Variants in DPYD observed in about 807,000 individuals in gnomAD.
The protein encoded by DPYD is dihydropyrimidine dehydrogenase [NADP(+)].
A neutral mutation model predicts 116.2 loss-of-function variants in DPYD; 109 were observed. The ratio of observed to expected loss-of-function variants is 0.94; its 90% CI spans 0.80 to 1.10. DPYD has a LOEUF of 1.10. Among genes scored for constraint, DPYD ranks in the 50% least tolerant of loss-of-function variants. DPYD has a pLI of 0.00. For missense variants in DPYD, 1,302 were observed against 1,254.5 expected, an observed-to-expected ratio of 1.04 and a Z score of -0.57; for synonymous variants, 440 against 432.0, an observed-to-expected ratio of 1.02 and a Z score of -0.23.
chr1:97,833,802 C>T (rs1669640133), intron 2 of DPYD, among the ~76,000 whole-genome samples: 1 of 152,042 alleles, frequency 6.6e-6, no homozygotes, highest in East Asian at 1.9e-4. Context: ...GTGCATTTTT[C>T]ATGTTTAACC....
At chr1:97,378,771 T>C (rs1286347536) in intron 15 of DPYD, among the ~76,000 whole-genome samples, 4 of 152,166 alleles carry the variant, frequency 2.6e-5, no homozygotes, top group Non-Finnish European at 5.9e-5. Context: ...CAGTGAACCA[T>C]GCAAGGGTCT....
intron 20 of DPYD, among the ~76,000 whole-genome samples, chr1:97,137,099 A>G (rs951986240): frequency 2.6e-5 from 4 of 152,222 alleles, no homozygotes; most frequent in Non-Finnish European, 4.4e-5. Flanking sequence ...TTTATTGTTC[A>G]TCGGCTGGTG....
chr1:97,315,876 T>C (rs1467215921), intron 16 of DPYD, among the ~76,000 whole-genome samples: 1 of 151,910 alleles, frequency 6.6e-6, no homozygotes, highest in Non-Finnish European at 1.5e-5. Flanking sequence ...CTAATTTTTT[T>C]CCTAGAAAAA....
At chr1:97,210,255 C>T (rs573468028) in intron 19 of DPYD, among the ~76,000 whole-genome samples, 1 of 152,046 alleles carries the variant, frequency 6.6e-6, no homozygotes, top group East Asian at 1.9e-4. Context: ...TTTTTCCCTC[C>T]CCCTTGGAGG....
intron 2 of DPYD, among the ~76,000 whole-genome samples, chr1:97,859,493 A>G (rs1671011004): frequency 6.6e-6 from 1 of 152,170 alleles, no homozygotes; most frequent in Non-Finnish European, 1.5e-5. Context: ...GAGAACGCTA[A>G]GTGAAAATGC....
At chr1:97,343,009 CAAAG>C (rs1167789063) in intron 16 of DPYD, among the ~76,000 whole-genome samples, 1 of 152,020 alleles carries the variant, frequency 6.6e-6, no homozygotes, top group Non-Finnish European at 1.5e-5. Flanking sequence ...AAAAAACACT[CAAAG>C]AAACAAACAA....
At position 97,129,157 on chromosome 1, in the gene DPYD, C is replaced by A. The variant is rs1235978491; in HGVS notation, c.2623-30525G>T. On this transcript the variant is annotated intron_variant, in intron 20 of 22. Transcript: ENST00000370192. ...TTGGATCACTGCAACCTCCACCTCC[C>A]AGTTCAAGAGATTCTCCTGCCTCAG... Among the ~76,000 whole-genome samples the A allele has an allele frequency of 2.0e-5, 3 of 151,828 alleles. No individual in the cohort carries two copies. In the East Asian group the frequency reaches 5.8e-4, roughly 30 times the overall value.
chr1:97,402,134 A>C (rs1228265014), intron 14 of DPYD, among the ~76,000 whole-genome samples: 4 of 152,120 alleles, frequency 2.6e-5, no homozygotes, highest in African/African-American at 9.6e-5. Flanking sequence ...TAAACTTTAG[A>C]ATCAGTTTGT....
At chr1:97,891,989 A>C (rs938884230) in intron 1 of DPYD, among the ~76,000 whole-genome samples, 4 of 151,842 alleles carry the variant, frequency 2.6e-5, no homozygotes, top group Admixed American at 6.6e-5. Context: ...ATGATAAACT[A>C]AGTTTTGTCT....
chr1:97,899,455 T>C (rs529685346), intron 1 of DPYD, among the ~76,000 whole-genome samples: 2 of 152,064 alleles, frequency 1.3e-5, no homozygotes, highest in South Asian at 4.1e-4. Context: ...TTTCTTTTAA[T>C]TTATTCTTTC....
At chr1:97,829,475 T>G (rs572059082) in intron 2 of DPYD, among the ~76,000 whole-genome samples, 2 of 152,254 alleles carry the variant, frequency 1.3e-5, no homozygotes, top group African/African-American at 4.8e-5. Context: ...GTATATACAT[T>G]AAAAGTATCC....
intron 8 of DPYD, among the ~76,000 whole-genome samples, chr1:97,650,517 A>C (rs1162108791): frequency 6.6e-6 from 1 of 152,168 alleles, no homozygotes; most frequent in East Asian, 1.9e-4. Context: ...TTCAAATTTT[A>C]AAAAAGACAT....
chr1:97,628,097 T>C (rs1657040465), intron 8 of DPYD, among the ~76,000 whole-genome samples: 1 of 152,016 alleles, frequency 6.6e-6, no homozygotes, highest in African/African-American at 2.4e-5. Flanking sequence ...GCCTGGATGT[T>C]GGGGGAAAGG....
chr1:97,474,442 G>T lies in DPYD; in HGVS notation c.1741-24219C>A, dbSNP rs1215841443. ...TTCACATTTAAAATTTCTGGGGAATGTCTTTAATAATGTTTAAATATTTAA... is the reference window on the plus strand; with the variant it reads ...TTCACATTTAAAATTTCTGGGGAATTTCTTTAATAATGTTTAAATATTTAA... On this transcript the variant is annotated intron_variant, in intron 13 of 22. Coordinates refer to ENST00000370192, the MANE Select transcript of DPYD (RefSeq NM_000110.4). Among the ~76,000 whole-genome samples, 3 of 152,118 alleles carry T rather than the reference G, an allele frequency of 2.0e-5. No individual in the cohort carries two copies. The East Asian group carries it at 5.8e-4, about 29-fold the overall frequency.
At chr1:97,909,771 G>A (rs1673835960) in intron 1 of DPYD, among the ~76,000 whole-genome samples, 1 of 152,016 alleles carries the variant, frequency 6.6e-6, no homozygotes, top group African/African-American at 2.4e-5. Flanking sequence ...TCAGTCCCAA[G>A]ACTTTAAATA....
intron 13 of DPYD, among the ~76,000 whole-genome samples, chr1:97,493,933 T>C (rs1048890031): frequency 6.6e-6 from 1 of 152,168 alleles, no homozygotes; most frequent in African/African-American, 2.4e-5. Context: ...TTGTTGAGTA[T>C]CTGCTGTGTT....
At chr1:97,493,328 T>A (rs1400418910) in intron 13 of DPYD, among the ~76,000 whole-genome samples, 1 of 152,168 alleles carries the variant, frequency 6.6e-6, no homozygotes, top group Non-Finnish European at 1.5e-5. Flanking sequence ...TTCATACCAC[T>A]GTACTAAAAC....
At chr1:97,255,327 A>C (rs1170148891) in intron 18 of DPYD, among the ~76,000 whole-genome samples, 2 of 152,070 alleles carry the variant, frequency 1.3e-5, no homozygotes, top group African/African-American at 2.4e-5. Flanking sequence ...AGTGTTTAGG[A>C]GGGTGATATG....
At chr1:97,833,251 G>A (rs992285318) in intron 2 of DPYD, among the ~76,000 whole-genome samples, 7 of 152,044 alleles carry the variant, frequency 4.6e-5, no homozygotes, top group Admixed American at 2.0e-4. Context: ...AAGTAACAAA[G>A]GCTCGAGTTA....
Sources: allele counts gnomAD v4.1 joint callset (sites outside exome capture counted in the v4.1 genomes callset), GRCh38; gene constraint gnomAD v4.1.1; transcripts MANE v1.5; gene names NCBI Gene and HGNC (gene_info 2026-07-23, HGNC 2026-07-21).